Variants in SALL1 observed in about 807,000 individuals in gnomAD.
The protein encoded by SALL1 is spalt like transcription factor 1, also known as sal-like protein 1.
Under a neutral mutation model 73.1 loss-of-function variants are expected in SALL1, and 10 were observed. That is an observed-to-expected ratio of 0.14 (90% CI 0.08 to 0.23). The LOEUF is 0.23. Ranked by LOEUF, SALL1 falls within the 10% of genes least tolerant of loss-of-function variation. The pLI is 1.00. For missense variants in SALL1, 1,520 were observed against 1,697.3 expected (o/e 0.90, Z 1.84); for synonymous variants, 688 against 689.8 (o/e 1.00, Z 0.04).
chr16:51,145,217 T>TACACACAC (rs3037183), intron 1 of SALL1, among the ~76,000 whole-genome samples: 21 of 149,862 alleles, frequency 1.4e-4, no homozygotes, highest in African/African-American at 4.7e-4. Flanking sequence ...CACACACACA[T>TACACACAC]ACACACACAC....
chr16:51,137,696 ATG>A, intron 2 of SALL1, 144 bp from the exon 3 acceptor site: 2 of 651,392 alleles, frequency 3.1e-6, no homozygotes, highest in East Asian at 5.4e-5. Flanking sequence ...TATTCTCATC[ATG>A]TGACAGACAG....
Position 51,141,279 on chromosome 16 carries a change from G to T in SALL1, c.943C>A (p.Gln315Lys), listed in dbSNP as rs753328088. The T allele has an allele frequency of 5.6e-6, 9 of 1,614,102 alleles. No individual in the cohort carries two copies. Among genetic ancestry groups the T allele is most frequent in the African/African-American group, 1.3e-5 (1 of 75,038 alleles). ...SQSASISGVKQLPPIQLPQSS... is the reference protein window; with the variant it reads ...SQSASISGVKKLPPIQLPQSS... ...TGAGGTAGCTGGATTGGGGGTAGCT[G>T]TTTCACACCACTAATGCTGGCAGAT... Residue 315 changes from glutamine to lysine, a missense_variant, in exon 2 of 3, where the codon CAG becomes AAG. Gln to Lys is a moderately conservative substitution (Grantham distance 53). Around this residue, in one of 7 missense-constraint regions of SALL1, gnomAD observed 540 missense variants for 567.5 expected, o/e 0.95. Transcript: ENST00000251020. The surrounding 1 kb of genome is among the most constrained non-coding windows in gnomAD (Gnocchi z 5.4).
At position 51,139,762 on chromosome 16, in the gene SALL1, G is replaced by A. The variant is rs199860897; in HGVS notation, c.2460C>T (p.Asp820=). 3.3e-5 allele frequency: 54 copies of A among 1,614,078 alleles called. No homozygotes were observed. The highest frequency in any genetic ancestry group is 4.3e-5 in the Non-Finnish European group (51 of 1,180,050). ...TGSFDEKNFD[D]LDNFSDENME... ...TGTTTTCATCAGAGAAGTTGTCTAGGTCATCAAAATTTTTCTCATCAAAGG... is the reference window on the plus strand; with the variant it reads ...TGTTTTCATCAGAGAAGTTGTCTAGATCATCAAAATTTTTCTCATCAAAGG... The change falls in exon 2 of 3, where the codon GAC becomes GAT. Residue 820 remains aspartate, a synonymous_variant. Coordinates refer to ENST00000251020, the MANE Select transcript of SALL1 (RefSeq NM_002968.3).
At chr16:51,148,033 A>C (rs753093228) in intron 1 of SALL1, among the ~76,000 whole-genome samples, 31 of 152,254 alleles carry the variant, frequency 2.0e-4, no homozygotes, top group Non-Finnish European at 3.4e-4. Flanking sequence ...TTTCATAAGA[A>C]GCAGAAAAAT....
Position 51,139,759 on chromosome 16 carries a change from T to C in SALL1, c.2463A>G (p.Leu821=). 6.2e-7 allele frequency: 1 copy of C among 1,614,206 alleles called. No homozygotes were observed. Residue 821 remains leucine, a synonymous_variant, in exon 2 of 3, where the codon CTA becomes CTG. Coordinates refer to ENST00000251020, the MANE Select transcript of SALL1 (RefSeq NM_002968.3). ...CCATGTTTTCATCAGAGAAGTTGTC[T>C]AGGTCATCAAAATTTTTCTCATCAA... ...GSFDEKNFDD[L]DNFSDENMED...
chr16:51,141,104 G>A lies in SALL1; in HGVS notation c.1118C>T (p.Ser373Leu), dbSNP rs768379347. Residue 373 changes from serine (S) to leucine (L), a missense_variant, in exon 2 of 3, where the codon TCG becomes TTG. Around this residue, in one of 7 missense-constraint regions of SALL1, gnomAD observed 540 missense variants for 567.5 expected, o/e 0.95. Coordinates refer to ENST00000251020, the MANE Select transcript of SALL1 (RefSeq NM_002968.3). The surrounding 1 kb of genome is among the most constrained non-coding windows in gnomAD (Gnocchi z 5.4). ...SHVSNPAVSS[S>L]SSPAFAISSL... ...GCTTATTGCAAAAGCTGGTGAGGAC[G>A]ATGATGAGACCGCTGGGTTGCTGAC... 83 of 1,613,732 alleles carry A rather than the reference G, an allele frequency of 5.1e-5. No homozygotes were observed. The highest frequency in any genetic ancestry group is 6.8e-5 in the Non-Finnish European group (80 of 1,179,696).
chr16:51,150,870 AG>A (rs1265611759), intron 1 of SALL1: 11 of 321,530 alleles, frequency 3.4e-5, no homozygotes, highest in African/African-American at 1.9e-4. Flanking sequence ...CCGGAAAAGC[AG>A]GGACGGAGAA....
chr16:51,141,044 G>A lies in SALL1; in HGVS notation c.1178C>T (p.Pro393Leu). 1 of 1,614,232 alleles carries A rather than the reference G, an allele frequency of 6.2e-7. No individual in the cohort carries two copies. Among genetic ancestry groups the A allele is most frequent in the South Asian group, 1.1e-5 (1 of 91,084 alleles). ...LLSPASNPLL[P>L]QQASANSVFP... is the part of the protein sequence containing the mutation. ...AACCGAGTTAGCGGAGGCTTGCTGA[G>A]GTAGAAGTGGATTAGACGCAGGACT... Residue 393 changes from proline to leucine, a missense_variant, in exon 2 of 3, where the codon CCT (proline) becomes CTT (leucine). Physicochemically the swap from Pro to Leu is moderately conservative, Grantham distance 98 (BLOSUM62 -3). Coordinates refer to ENST00000251020, the MANE Select transcript of SALL1 (RefSeq NM_002968.3). This position sits in a 1 kb window ranked among gnomAD's most constrained non-coding sequence, Gnocchi z 5.4.
In SALL1 at chr16:51,139,218, C is replaced by T. The variant is rs1295146261; in HGVS notation, c.3004G>A (p.Ala1002Thr). Reference sequence around the variant, plus strand: ...AATGTTTTGCCACAAATGTCACAAGCAGTGTTTTTAAATTTACCCCGGTCT... The same window carrying T: ...AATGTTTTGCCACAAATGTCACAAGTAGTGTTTTTAAATTTACCCCGGTCT... The part of the protein sequence containing the change: ...FRDRGKFKNT[A>T]CDICGKTFAC... Residue 1002 changes from alanine (A) to threonine (T), a missense_variant, in exon 2 of 3, where the codon GCT (alanine) becomes ACT (threonine). By Grantham distance (58) the Ala-to-Thr change is moderately conservative (BLOSUM62 0). Around this residue, in one of 7 missense-constraint regions of SALL1, gnomAD observed 266 missense variants for 275.1 expected, o/e 0.97. Coordinates refer to ENST00000251020, the MANE Select transcript of SALL1 (RefSeq NM_002968.3). 6.2e-7 allele frequency: 1 copy of T among 1,614,240 alleles called. No homozygotes were observed. The highest frequency in any genetic ancestry group is 8.5e-7 in the Non-Finnish European group (1 of 1,180,044).
intron 1 of SALL1, chr16:51,150,691 C>G (rs1303203087): frequency 8.3e-6 from 5 of 603,290 alleles, no homozygotes; most frequent in East Asian, 1.4e-4. Flanking sequence ...GCCCAGCGCC[C>G]GAAGTAAACT....
chr16:51,146,007 T>C (rs3743769), intron 1 of SALL1, among the ~76,000 whole-genome samples: 7,012 of 150,646 alleles, frequency 0.047, 176 homozygotes, highest in East Asian at 0.12. Flanking sequence ...TTTCTTTTTT[T>C]TTTTTTCTGC....
chr16:51,140,259 C>T lies in SALL1; in HGVS notation c.1963G>A (p.Ala655Thr), dbSNP rs1962396992. 1.2e-6 allele frequency: 2 copies of T among 1,614,192 alleles called. No individual in the cohort carries two copies. Among genetic ancestry groups the T allele is most frequent in the Non-Finnish European group, 1.7e-6 (2 of 1,180,050 alleles). The change falls in exon 2 of 3, where the codon GCC (alanine) becomes ACC (threonine). Residue 655 changes from alanine to threonine, a missense_variant. Coordinates refer to ENST00000251020, the MANE Select transcript of SALL1 (RefSeq NM_002968.3). The surrounding 1 kb of genome is among the most constrained non-coding windows in gnomAD (Gnocchi z 5.7). Reference protein sequence around the residue: ...PAADCGPAGSATTFTNPLLPL... With the variant: ...PAADCGPAGSTTTFTNPLLPL... ...AACAAAGGGTTGGTGAAGGTGGTGG[C>T]ACTGCCCGCGGGGCCGCAGTCTGCC...
At chr16:51,145,247 C>T (rs1962499478) in intron 1 of SALL1, among the ~76,000 whole-genome samples, 1 of 150,758 alleles carries the variant, frequency 6.6e-6, no homozygotes, top group Non-Finnish European at 1.5e-5. Flanking sequence ...CACACACGTA[C>T]ACACGAACAT....
intron 1 of SALL1, among the ~76,000 whole-genome samples, chr16:51,147,280 G>A (rs769598510): frequency 7.2e-5 from 11 of 152,170 alleles, no homozygotes; most frequent in Non-Finnish European, 1.0e-4. Context: ...ACTAGACTTT[G>A]CTCATTTATG....
chr16:51,144,927 C>T (rs1395201316), intron 1 of SALL1, among the ~76,000 whole-genome samples: 1 of 152,114 alleles, frequency 6.6e-6, no homozygotes, highest in Non-Finnish European at 1.5e-5. Flanking sequence ...TTTGATCTCA[C>T]TGTAGAGTGA....
intron 1 of SALL1, among the ~76,000 whole-genome samples, chr16:51,144,445 C>T (rs890112331): frequency 2.0e-5 from 3 of 152,188 alleles, no homozygotes; most frequent in African/African-American, 4.8e-5. Flanking sequence ...CACTTTAAAA[C>T]ACAGTTTTGC....
At chr16:51,150,851 C>T in intron 1 of SALL1, 1 of 285,324 alleles carries the variant, frequency 3.5e-6, no homozygotes, top group Non-Finnish European at 6.5e-6. Context: ...TTGGCCGCGG[C>T]TGGGATCCCC....
chr16:51,137,594 GA>G, intron 2 of SALL1, 42 bp from the exon 3 acceptor site: 8 of 1,471,746 alleles, frequency 5.4e-6, no homozygotes, highest in Non-Finnish European at 6.6e-6. Context: ...GAGAGAGAGA[GA>G]GAAAAAAAAG....
At chr16:51,145,985 T>C (rs1203160499) in intron 1 of SALL1, among the ~76,000 whole-genome samples, 5 of 128,140 alleles carry the variant, frequency 3.9e-5, no homozygotes, top group Admixed American at 1.0e-4. Flanking sequence ...TGGTCTTTTT[T>C]TTTTTTTTCT....
Sources: gnomAD v4.1 joint callset for allele counts (sites outside exome capture counted in the v4.1 genomes callset) on GRCh38, gnomAD v4.1.1 for gene constraint, gnomAD v4.1.1 regional missense constraint, Gnocchi (gnomAD v3.1) non-coding constraint, MANE v1.5 for transcripts, NCBI Gene and HGNC (gene_info 2026-07-23, HGNC 2026-07-21) for gene names.